CARM1: variants seen among roughly 807,000 people sequenced by gnomAD.
CARM1 encodes coactivator associated arginine methyltransferase 1, also known as histone-arginine methyltransferase CARM1.
Under a neutral mutation model 72.7 loss-of-function variants are expected in CARM1, and 14 were observed. The observed-to-expected ratio is 0.19, with a 90% confidence interval of 0.13 to 0.30. CARM1 has a LOEUF of 0.30. Ranked by LOEUF, CARM1 falls within the 10% of genes least tolerant of loss-of-function variation. CARM1 has a pLI of 1.00. For synonymous variants in CARM1, 333 were observed against 345.5 expected, an observed-to-expected ratio of 0.96 and a Z score of 0.40; for missense variants, 432 against 833.7, an observed-to-expected ratio of 0.52 and a Z score of 5.93.
chr19:10,885,320 C>T (rs1297458406), intron 1 of CARM1, among the ~76,000 whole-genome samples: 1 of 152,130 alleles, frequency 6.6e-6, no homozygotes, highest in Non-Finnish European at 1.5e-5. Context: ...CTCTTTAAAG[C>T]GATTCATTAG....
intron 4 of CARM1, among the ~76,000 whole-genome samples, chr19:10,909,933 A>G (rs2074135809): frequency 6.6e-6 from 1 of 152,072 alleles, no homozygotes. Flanking sequence ...TTTTACAATT[A>G]TTTTATTGAG....
chr19:10,885,687 C>G (rs1456505973), intron 1 of CARM1, among the ~76,000 whole-genome samples: 1 of 152,112 alleles, frequency 6.6e-6, no homozygotes, highest in East Asian at 1.9e-4. Context: ...GACGGGAAGG[C>G]GAAGATAGGC....
Position 10,920,550 on chromosome 19 carries a change from A to C in CARM1, c.1311A>C (p.Thr437=). 6.2e-7 allele frequency: 1 copy of C among 1,613,958 alleles called. No individual in the cohort carries two copies. Among genetic ancestry groups the C allele is most frequent in the African/African-American group, 1.3e-5 (1 of 75,008 alleles). The part of the protein sequence containing the change: ...FAKAGDTLSG[T]CLLIANKRQS... Reference sequence around the variant, plus strand: ...AGGCAGGGGACACGCTCTCAGGGACATGTCTGCTTATTGCCAACAAAAGGT... The same window carrying C: ...AGGCAGGGGACACGCTCTCAGGGACCTGTCTGCTTATTGCCAACAAAAGGT... Residue 437 remains threonine, a synonymous_variant, in exon 11 of 16, where the codon ACA becomes ACC. Coordinates refer to ENST00000327064, the MANE Select transcript of CARM1 (RefSeq NM_199141.2). This position sits in a 1 kb window ranked among gnomAD's most constrained non-coding sequence, Gnocchi z 5.3.
At chr19:10,909,462 G>A (rs1185944296) in intron 4 of CARM1, among the ~76,000 whole-genome samples, 8 of 150,386 alleles carry the variant, frequency 5.3e-5, no homozygotes, top group Non-Finnish European at 1.0e-4. Context: ...AAGGCCAGGC[G>A]CGGTGGCTCA....
chr19:10,901,095 G>C (rs112261733), intron 1 of CARM1, among the ~76,000 whole-genome samples: 4 of 151,140 alleles, frequency 2.6e-5, no homozygotes, highest in Non-Finnish European at 1.5e-5. Flanking sequence ...AATTCTCCCT[G>C]TCTCAGCTTC....
At position 10,886,144 on chromosome 19, in the gene CARM1, C is replaced by T. The variant is rs534276587; in HGVS notation, c.220+14222C>T. ...TGATCTCAGCTCACCACAACCTCCA[C>T]CTCCTGGGTTCAAGTGATTGTCCTG... On this transcript the variant is annotated intron_variant, in intron 1 of 15. Coordinates refer to ENST00000327064, the MANE Select transcript of CARM1 (RefSeq NM_199141.2). Among the ~76,000 whole-genome samples the T allele has an allele frequency of 6.6e-5, 10 of 151,632 alleles. No homozygotes were observed. In the East Asian group the frequency reaches 9.7e-4, roughly 15 times the overall value.
At position 10,871,634 on chromosome 19, in the gene CARM1, G is replaced by GGCGGCGGCGGCGGCGGCGGCGGCGGCA. The variant is rs2073816849; in HGVS notation, c.-64_-63insGGCGGCGGCGGCGGCGGCGGCAGCGGC. 2 of 152,772 alleles carry GGCGGCGGCGGCGGCGGCGGCGGCGGCA rather than the reference G, an allele frequency of 1.3e-5. No homozygotes were observed. The highest frequency in any genetic ancestry group is 8.0e-5 in the African/African-American group (2 of 25,142). The allele number at this position is 152,772 out of a possible 1,614,324, so 9.5% of individuals were successfully genotyped here. On this transcript the variant is annotated 5_prime_UTR_variant, in exon 1 of 16. Coordinates refer to ENST00000327064, the MANE Select transcript of CARM1 (RefSeq NM_199141.2). The surrounding 1 kb of genome is among the most constrained non-coding windows in gnomAD (Gnocchi z 5.6). ...CGGCGGCGGCGGCGGCGGCGGCGGC[G>GGCGGCGGCGGCGGCGGCGGCGGCGGCA]GCGGCAGCGGCGGCGGCCTGGGCCC...
rs377704049 is a variant in CARM1, at chr19:10,920,577, C to T, written c.1334+4C>T. On this transcript the variant is annotated splice_donor_region_variant and intron_variant, in intron 11 of 15. Transcript: ENST00000327064. This position sits in a 1 kb window ranked among gnomAD's most constrained non-coding sequence, Gnocchi z 5.3. ...GTCTGCTTATTGCCAACAAAAGGTG[C>T]GACTGCTCCCTGGGGCTGGTGGTGG... 18 of 1,613,728 alleles carry T rather than the reference C, an allele frequency of 1.1e-5. No homozygotes were observed. The highest frequency in any genetic ancestry group is 1.1e-4 in the African/African-American group (8 of 74,876).
At chr19:10,885,661 A>G (rs1321494413) in intron 1 of CARM1, among the ~76,000 whole-genome samples, 3 of 152,150 alleles carry the variant, frequency 2.0e-5, no homozygotes, top group Admixed American at 6.5e-5. Flanking sequence ...AATTTGCTGC[A>G]TTCTTCCTTG....
At position 10,909,970 on chromosome 19, in the gene CARM1, G is replaced by C. The variant is rs571043050; in HGVS notation, c.558+763G>C. 2.2e-4 allele frequency among the ~76,000 whole-genome samples: 34 copies of C among 152,278 alleles called. No individual in the cohort carries two copies. In the Middle Eastern group the frequency reaches 0.014, roughly 61 times the overall value. On this transcript the variant is annotated intron_variant, in intron 4 of 15. Coordinates refer to ENST00000327064, the MANE Select transcript of CARM1 (RefSeq NM_199141.2). ...TGGGCAGAGTAGCTCACACCTGTCT[G>C]TAATCCCAGCACTTTGGGAGGCCAA...
intron 1 of CARM1, among the ~76,000 whole-genome samples, chr19:10,886,860 G>T (rs1193102264): frequency 1.3e-5 from 2 of 151,866 alleles, no homozygotes; most frequent in Non-Finnish European, 2.9e-5. Context: ...TCAATATTTT[G>T]CCCACGCTGG....
At chr19:10,886,968 G>A (rs568937418) in intron 1 of CARM1, among the ~76,000 whole-genome samples, 1 of 152,098 alleles carries the variant, frequency 6.6e-6, no homozygotes, top group Non-Finnish European at 1.5e-5. Context: ...TCCTGCCTCG[G>A]TGTCCCGAGG....
chr19:10,886,112 G>A (rs1215576075), intron 1 of CARM1, among the ~76,000 whole-genome samples: 3 of 147,518 alleles, frequency 2.0e-5, no homozygotes, highest in African/African-American at 7.5e-5. Flanking sequence ...GCTGGAGTGC[G>A]ATGGTGTGAT....
chr19:10,905,497 C>T (rs2074096556), intron 2 of CARM1, among the ~76,000 whole-genome samples: 3 of 152,170 alleles, frequency 2.0e-5, no homozygotes, highest in Admixed American at 6.5e-5. Flanking sequence ...CTTGGGGGCA[C>T]AGGTGGACAC....
intron 14 of CARM1, 112 bp from the exon 15 acceptor site, chr19:10,921,263 G>C (rs12608806): frequency 1.4e-6 from 2 of 1,455,440 alleles, no homozygotes; most frequent in African/African-American, 1.4e-5. Context: ...GCTCTCGGCC[G>C]AGGCTCTCCG....
chr19:10,890,221 T>C (rs956742467), intron 1 of CARM1, among the ~76,000 whole-genome samples: 11 of 151,730 alleles, frequency 7.2e-5, no homozygotes, highest in Admixed American at 2.6e-4. Flanking sequence ...ACCCTGTCTC[T>C]ACAAAAAATA....
intron 6 of CARM1, 146 bp downstream of exon 6, chr19:10,914,200 A>T (rs1425893554): frequency 3.7e-6 from 3 of 801,212 alleles, no homozygotes; most frequent in Non-Finnish European, 5.7e-6. Context: ...TCCCACCCCA[A>T]CCCCACTCCA....
intron 1 of CARM1, among the ~76,000 whole-genome samples, chr19:10,879,003 C>T (rs2073882778): frequency 6.6e-6 from 1 of 152,054 alleles, no homozygotes; most frequent in African/African-American, 2.4e-5. Context: ...GACGGGGTAT[C>T]GCCACGTTGG....
At chr19:10,890,028 G>A (rs759334533) in intron 1 of CARM1, among the ~76,000 whole-genome samples, 2 of 152,026 alleles carry the variant, frequency 1.3e-5, no homozygotes, top group Non-Finnish European at 2.9e-5. Context: ...CGGGAGGATC[G>A]CCTAAGGCTG....
Sources: gnomAD v4.1 joint callset for allele counts (sites outside exome capture counted in the v4.1 genomes callset) on GRCh38, gnomAD v4.1.1 for gene constraint, Gnocchi (gnomAD v3.1) non-coding constraint, MANE v1.5 for transcripts, NCBI Gene and HGNC (gene_info 2026-07-23, HGNC 2026-07-21) for gene names.